Variants in XPO6 observed in about 807,000 individuals in gnomAD.
XPO6 encodes exportin-6.
In XPO6, 3 loss-of-function variants were observed where a neutral mutation model predicts 130.0. That is an observed-to-expected ratio of 0.02 (90% CI 0.01 to 0.06). The LOEUF is 0.06. Ranked by LOEUF, XPO6 falls within the 10% of genes least tolerant of loss-of-function variation. XPO6 has a pLI of 1.00. For missense variants in XPO6, 970 were observed against 1,393.0 expected (o/e 0.70, Z 4.83); for synonymous variants, 524 against 548.9 (o/e 0.95, Z 0.63).
chr16:28,101,749 T>C lies in XPO6; in HGVS notation c.3046-61A>G. 1 of 1,583,642 alleles carries C rather than the reference T, an allele frequency of 6.3e-7. No individual in the cohort carries two copies. The highest frequency in any genetic ancestry group is 2.2e-5 in the East Asian group (1 of 44,628). Reference sequence around the variant, plus strand: ...CCCCAGGGGCCTGTCCCGGGTCCCATCCACTTTCTGTCACACTCTCCAGTG... The same window carrying C: ...CCCCAGGGGCCTGTCCCGGGTCCCACCCACTTTCTGTCACACTCTCCAGTG... On this transcript the variant is annotated intron_variant, in intron 22 of 23. Coordinates refer to ENST00000304658, the MANE Select transcript of XPO6 (RefSeq NM_015171.4). This position sits in a 1 kb window ranked among gnomAD's most constrained non-coding sequence, Gnocchi z 5.4.
intron 15 of XPO6, among the ~76,000 whole-genome samples, chr16:28,114,873 T>C (rs753705293): frequency 1.3e-5 from 2 of 152,240 alleles, no homozygotes; most frequent in Non-Finnish European, 2.9e-5. Flanking sequence ...TGTGTTATTC[T>C]AATCCTCTGT....
chr16:28,111,888 G>A lies in XPO6; in HGVS notation c.2270C>T (p.Ala757Val), dbSNP rs749976444. ...RSINHASLIS[A>V]LSRDYRNLKP... ...CAGGTTGCGATAGTCCCGGGAGAGT[G>A]CAGAGATGAGGCTGGCGTGGTTGAT... Residue 757 changes from alanine to valine, a missense_variant, in exon 17 of 24, where the codon GCA (alanine) becomes GTA (valine). By Grantham distance (64) the Ala-to-Val change is moderately conservative (BLOSUM62 0). Transcript: ENST00000304658. The A allele has an allele frequency of 6.2e-7, 1 of 1,614,192 alleles. No individual in the cohort carries two copies. Among genetic ancestry groups the A allele is most frequent in the Non-Finnish European group, 8.5e-7 (1 of 1,180,034 alleles).
intron 17 of XPO6, among the ~76,000 whole-genome samples, chr16:28,110,248 T>C (rs965059195): frequency 1.3e-5 from 2 of 152,228 alleles, no homozygotes; most frequent in African/African-American, 4.8e-5. Context: ...CATACTACAC[T>C]GCAAACCCTT....
Position 28,211,594 on chromosome 16 carries a change from C to A in XPO6, c.-226G>T. ...AATTCATCCAGACCCACCCGCCCCT[C>A]CCCAAGGAAACTGAAAAAGCAGGAA... is the stretch of plus-strand genomic sequence containing the variant. On this transcript the variant is annotated 5_prime_UTR_variant, in exon 1 of 24. Coordinates refer to ENST00000304658, the MANE Select transcript of XPO6 (RefSeq NM_015171.4). The A allele has an allele frequency of 2.4e-6, 1 of 413,728 alleles. No individual in the cohort carries two copies. The highest frequency in any genetic ancestry group is 4.3e-6 in the Non-Finnish European group (1 of 233,470). 25.6% of individuals were successfully genotyped at this position (413,728 alleles called of 1,614,324 possible). A position where few individuals can be genotyped will look rare whatever the true frequency, so the allele number is the denominator to read the frequency against.
intron 8 of XPO6, among the ~76,000 whole-genome samples, chr16:28,150,246 G>A (rs1413779304): frequency 6.6e-6 from 1 of 152,206 alleles, no homozygotes; most frequent in Non-Finnish European, 1.5e-5. Context: ...AGACAGGAGA[G>A]CAGAAAGGAG....
At chr16:28,157,608 C>G (rs2141828632) in intron 6 of XPO6, among the ~76,000 whole-genome samples, 1 of 152,282 alleles carries the variant, frequency 6.6e-6, no homozygotes, top group Non-Finnish European at 1.5e-5. Flanking sequence ...AAATGCTACA[C>G]ATCAGTAAAC....
chr16:28,196,527 G>T (rs1567649287), intron 1 of XPO6, among the ~76,000 whole-genome samples: 1 of 152,130 alleles, frequency 6.6e-6, no homozygotes, highest in South Asian at 2.1e-4. Flanking sequence ...TAATGTCACC[G>T]AACTGCATAC....
intron 6 of XPO6, among the ~76,000 whole-genome samples, chr16:28,163,537 AGAG>A (rs2043310094): frequency 6.6e-6 from 1 of 152,224 alleles, no homozygotes; most frequent in Admixed American, 6.5e-5. Flanking sequence ...AGTGAACATG[AGAG>A]GAGATGAAGG....
intron 17 of XPO6, among the ~76,000 whole-genome samples, chr16:28,108,973 C>T (rs1237338991): frequency 6.6e-6 from 1 of 152,226 alleles, no homozygotes; most frequent in Non-Finnish European, 1.5e-5. Context: ...AGGAAAGGCT[C>T]ACCCACACTG....
chr16:28,140,523 C>A (rs2141781364), intron 9 of XPO6, among the ~76,000 whole-genome samples: 1 of 151,852 alleles, frequency 6.6e-6, no homozygotes, highest in Non-Finnish European at 1.5e-5. Flanking sequence ...ACTGAAAATA[C>A]AAAAATTAGC....
At chr16:28,147,840 G>A (rs774199269) in intron 8 of XPO6, among the ~76,000 whole-genome samples, 3 of 152,196 alleles carry the variant, frequency 2.0e-5, no homozygotes, top group East Asian at 1.9e-4. Flanking sequence ...CCAGCTACTC[G>A]GGAGGCTTAA....
Position 28,156,253 on chromosome 16 carries a change from G to A in XPO6, c.918C>T (p.Gly306=), listed in dbSNP as rs1381332606. ...SQNCVSGQER[G]RLGVLAMSCI... is the part of the protein sequence containing the mutation. Reference sequence around the variant, plus strand: ...AGGACATGGCCAGGACCCCCAGCCGGCCGCGCTCCTGACCCGAGACACAGT... The same window carrying A: ...AGGACATGGCCAGGACCCCCAGCCGACCGCGCTCCTGACCCGAGACACAGT... The change falls in exon 7 of 24, where the codon GGC becomes GGT. Residue 306 remains glycine (G), a synonymous_variant. Coordinates refer to ENST00000304658, the MANE Select transcript of XPO6 (RefSeq NM_015171.4). 4 of 1,614,030 alleles carry A rather than the reference G, an allele frequency of 2.5e-6. No individual in the cohort carries two copies. Among genetic ancestry groups the A allele is most frequent in the Non-Finnish European group, 3.4e-6 (4 of 1,180,026 alleles).
In XPO6 at chr16:28,125,779, G is replaced by C. The variant is rs1219387776; in HGVS notation, c.1676C>G (p.Ser559Cys). Reference protein sequence around the residue: ...RLHCSLRDLSSLLQAVGRLAE... With the variant: ...RLHCSLRDLSCLLQAVGRLAE... ...CAGGCGGCCCACGGCCTGCAGCAGG[G>C]AGCTCAAGTCTCTCAGGGAGCAGTG... Residue 559 changes from serine (S) to cysteine (C), a missense_variant, in exon 13 of 24, where the codon TCC becomes TGC. Coordinates refer to ENST00000304658, the MANE Select transcript of XPO6 (RefSeq NM_015171.4). The C allele has an allele frequency of 1.2e-6, 2 of 1,614,206 alleles. No individual in the cohort carries two copies. The highest frequency in any genetic ancestry group is 2.2e-5 in the South Asian group (2 of 91,082).
chr16:28,142,570 GTTGTT>G (rs1217822588), intron 9 of XPO6, among the ~76,000 whole-genome samples: 1 of 151,950 alleles, frequency 6.6e-6, no homozygotes, highest in Non-Finnish European at 1.5e-5. Flanking sequence ...TGTTGTTGTT[GTTGTT>G]TTATTTTATT....
At chr16:28,139,039 C>T (rs1028130306) in intron 9 of XPO6, among the ~76,000 whole-genome samples, 7 of 152,128 alleles carry the variant, frequency 4.6e-5, no homozygotes, top group Non-Finnish European at 7.4e-5. Context: ...CTGAATTGTG[C>T]GACTCTTCCC....
At chr16:28,135,564 A>T (rs1395171187) in intron 9 of XPO6, among the ~76,000 whole-genome samples, 1 of 152,188 alleles carries the variant, frequency 6.6e-6, no homozygotes, top group Non-Finnish European at 1.5e-5. Context: ...TTTATATAAC[A>T]GCCTTTTTTG....
In XPO6 at chr16:28,181,144, G is replaced by T. The variant is rs991869242; in HGVS notation, c.4-113C>A. On this transcript the variant is annotated intron_variant, in intron 1 of 23. Coordinates refer to ENST00000304658, the MANE Select transcript of XPO6 (RefSeq NM_015171.4). ...GAGCAATTTACTTCCTCAAAATCTTGGTTCAACATTCTTCAAATGCATGGT... is the reference window on the plus strand; with the variant it reads ...GAGCAATTTACTTCCTCAAAATCTTTGTTCAACATTCTTCAAATGCATGGT... 10 of 774,632 alleles carry T rather than the reference G, an allele frequency of 1.3e-5. No individual in the cohort carries two copies. The African/African-American group carries it at 1.4e-4, about 11-fold the overall frequency. The allele number at this position is 774,632 out of a possible 1,614,324, so 48.0% of individuals were successfully genotyped here.
At chr16:28,153,359 A>G in intron 7 of XPO6, 11 of 985,764 alleles carry the variant, frequency 1.1e-5, no homozygotes, top group Non-Finnish European at 1.3e-5. Flanking sequence ...GGCTATTAGA[A>G]CTGGGCAAGC....
chr16:28,143,042 T>C (rs1206786314), intron 9 of XPO6, among the ~76,000 whole-genome samples: 1 of 152,216 alleles, frequency 6.6e-6, no homozygotes, highest in African/African-American at 2.4e-5. Flanking sequence ...CATAAAGGCA[T>C]TATATGAAAG....
Sources: allele counts gnomAD v4.1 joint callset (sites outside exome capture counted in the v4.1 genomes callset), GRCh38; gene constraint gnomAD v4.1.1; non-coding constraint Gnocchi (gnomAD v3.1); transcripts MANE v1.5; gene names NCBI Gene and HGNC (gene_info 2026-07-23, HGNC 2026-07-21).